Variants in AK5 observed in about 807,000 individuals in gnomAD.
AK5 encodes the protein adenylate kinase 5.
A neutral mutation model predicts 69.5 loss-of-function variants in AK5; 27 were observed. The ratio of observed to expected loss-of-function variants is 0.39; its 90% CI spans 0.29 to 0.54. AK5 has a LOEUF of 0.54. Ranked by LOEUF, AK5 falls within the 20% of genes least tolerant of loss-of-function variation. The pLI is 0.71. For missense variants in AK5, 531 were observed against 700.4 expected, an observed-to-expected ratio of 0.76 and a Z score of 2.73; for synonymous variants, 260 against 244.4, an observed-to-expected ratio of 1.06 and a Z score of -0.60.
intron 6 of AK5, among the ~76,000 whole-genome samples, chr1:77,382,711 G>A (rs1165856526): frequency 6.6e-6 from 1 of 152,056 alleles, no homozygotes; most frequent in Non-Finnish European, 1.5e-5. Flanking sequence ...TGGATTCTTG[G>A]GCAAGTCATT....
intron 6 of AK5, among the ~76,000 whole-genome samples, chr1:77,368,200 T>C (rs1351219789): frequency 9.6e-6 from 1 of 104,034 alleles, no homozygotes; most frequent in Non-Finnish European, 1.9e-5. Flanking sequence ...TTGACCTTAC[T>C]GAAGAGTAGA....
chr1:77,420,347 T>G (rs1298094160), intron 8 of AK5: 1 of 152,176 alleles, frequency 6.6e-6, no homozygotes, highest in African/African-American at 2.4e-5. Context: ...TCTTTTAGAA[T>G]TTGTCTAGCA....
At chr1:77,475,505 A>T (rs1349442685) in intron 8 of AK5, among the ~76,000 whole-genome samples, 1 of 43,678 alleles carries the variant, frequency 2.3e-5, no homozygotes. Context: ...AATATATATT[A>T]TATATATATG....
intron 10 of AK5, among the ~76,000 whole-genome samples, chr1:77,486,630 A>G (rs141759151): frequency 0.1 from 15,891 of 151,484 alleles, 1,021 homozygotes; most frequent in South Asian, 0.33. Flanking sequence ...CCCGGGAGGC[A>G]GAGCTTGCAG....
chr1:77,322,432 C>T (rs995356725), intron 5 of AK5, among the ~76,000 whole-genome samples: 2 of 152,132 alleles, frequency 1.3e-5, no homozygotes, highest in African/African-American at 4.8e-5. Flanking sequence ...GTTCCTCCCT[C>T]TGGGGGTTGC....
At chr1:77,305,493 ATT>A (rs1659585992) in intron 5 of AK5, among the ~76,000 whole-genome samples, 1 of 152,114 alleles carries the variant, frequency 6.6e-6, no homozygotes, top group Non-Finnish European at 1.5e-5. Flanking sequence ...TCTTTAATCC[ATT>A]TTTATTTTAT....
chr1:77,305,166 T>C (rs1321054919), intron 5 of AK5, among the ~76,000 whole-genome samples: 1 of 152,152 alleles, frequency 6.6e-6, no homozygotes, highest in Non-Finnish European at 1.5e-5. Flanking sequence ...ATCTTTTGCC[T>C]GTCTTTTGAT....
At chr1:77,364,482 T>A (rs1646917421) in intron 6 of AK5, among the ~76,000 whole-genome samples, 1 of 152,206 alleles carries the variant, frequency 6.6e-6, no homozygotes, top group Non-Finnish European at 1.5e-5. Flanking sequence ...TCTTTCTATC[T>A]AGCTGTAATT....
chr1:77,336,994 T>A (rs763992078), intron 5 of AK5, among the ~76,000 whole-genome samples: 1 of 152,154 alleles, frequency 6.6e-6, no homozygotes, highest in Non-Finnish European at 1.5e-5. Flanking sequence ...ATTAAATAGC[T>A]TAGCAGATTC....
intron 6 of AK5, chr1:77,340,995 C>T (rs1353004482): frequency 6.5e-6 from 1 of 153,926 alleles, no homozygotes; most frequent in Admixed American, 6.5e-5. Flanking sequence ...TCATGATCTA[C>T]TACATAAAGA....
intron 6 of AK5, among the ~76,000 whole-genome samples, chr1:77,348,749 CCACACACCCACACACA>C (rs965782853): frequency 8.6e-5 from 13 of 151,630 alleles, no homozygotes; most frequent in Non-Finnish European, 1.8e-4. Context: ...ACCCACACAC[CCACACACCCACACACA>C]CACACAAACA....
At chr1:77,491,572 TG>T (rs1456853039) in intron 10 of AK5, among the ~76,000 whole-genome samples, 1 of 152,194 alleles carries the variant, frequency 6.6e-6, no homozygotes, top group Non-Finnish European at 1.5e-5. Flanking sequence ...CCCAAAGTGC[TG>T]GGATTACAGG....
chr1:77,537,929 C>T (rs1250345065), intron 13 of AK5, among the ~76,000 whole-genome samples: 1 of 152,224 alleles, frequency 6.6e-6, no homozygotes, highest in African/African-American at 2.4e-5. Flanking sequence ...TGTTTGTCAA[C>T]ACAGCACTCC....
chr1:77,470,846 TATATATATA>T (rs1654425141), intron 8 of AK5, among the ~76,000 whole-genome samples: 3 of 27,176 alleles, frequency 1.1e-4, no homozygotes, highest in Non-Finnish European at 1.7e-4. Flanking sequence ...TATATATATA[TATATATATA>T]TATATATATA....
At chr1:77,469,407 T>C (rs1471115312) in intron 8 of AK5, among the ~76,000 whole-genome samples, 1 of 152,130 alleles carries the variant, frequency 6.6e-6, no homozygotes, top group Non-Finnish European at 1.5e-5. Context: ...AAGAACAAAA[T>C]TGAGGTTTCC....
At chr1:77,302,935 A>G (rs966812805) in intron 5 of AK5, among the ~76,000 whole-genome samples, 1 of 152,112 alleles carries the variant, frequency 6.6e-6, no homozygotes, top group Non-Finnish European at 1.5e-5. Flanking sequence ...GGGGTTATCA[A>G]TTTTCCATCC....
intron 10 of AK5, among the ~76,000 whole-genome samples, chr1:77,516,111 A>C (rs1352163048): frequency 1.3e-5 from 2 of 152,234 alleles, no homozygotes; most frequent in African/African-American, 4.8e-5. Context: ...GGGTAAAAAA[A>C]TGTGCTAGAA....
intron 8 of AK5, among the ~76,000 whole-genome samples, chr1:77,476,626 T>G (rs1009731568): frequency 2.6e-5 from 4 of 152,164 alleles, no homozygotes; most frequent in African/African-American, 9.7e-5. Context: ...CACTTATGTA[T>G]CATCTCACGC....
At chr1:77,536,234 G>C (rs913864738) in intron 13 of AK5, among the ~76,000 whole-genome samples, 196 bp downstream of exon 13, 11 of 152,182 alleles carry the variant, frequency 7.2e-5, no homozygotes, top group South Asian at 2.1e-4. Context: ...GTCAAGGCGG[G>C]TGTATTGCTT....
Sources: allele counts gnomAD v4.1 joint callset (sites outside exome capture counted in the v4.1 genomes callset), GRCh38; gene constraint gnomAD v4.1.1; transcripts MANE v1.5; gene names NCBI Gene and HGNC (gene_info 2026-07-23, HGNC 2026-07-21).